PRKN: variants seen among roughly 807,000 people sequenced by gnomAD.
The protein encoded by PRKN is E3 ubiquitin-protein ligase parkin.
A neutral mutation model predicts 59.5 loss-of-function variants in PRKN; 56 were observed. The ratio of observed to expected loss-of-function variants is 0.94; its 90% confidence interval spans 0.76 to 1.18. The LOEUF is 1.18. Among genes scored for constraint, PRKN ranks in the 50% most tolerant of loss-of-function variants. PRKN has a pLI of 0.00. For synonymous variants in PRKN, 250 were observed against 222.1 expected, an observed-to-expected ratio of 1.13 and a Z score of -1.12; for missense variants, 657 against 596.4, an observed-to-expected ratio of 1.10 and a Z score of -1.06.
chr6:162,450,379 A>AC (rs201023311), intron 1 of PRKN, among the ~76,000 whole-genome samples: 10 of 131,158 alleles, frequency 7.6e-5, no homozygotes, highest in Admixed American at 6.8e-4. Flanking sequence ...TGTGATTGTA[A>AC]TCCCCCTGTG....
intron 9 of PRKN, among the ~76,000 whole-genome samples, chr6:161,453,723 C>CTCCT (rs1789843328): frequency 2.2e-5 from 3 of 134,236 alleles, no homozygotes; most frequent in Non-Finnish European, 4.8e-5. Context: ...CCATCCCTCC[C>CTCCT]TCCCTCCCTC....
At chr6:161,756,769 C>T (rs936106730) in intron 7 of PRKN, among the ~76,000 whole-genome samples, 3 of 151,954 alleles carry the variant, frequency 2.0e-5, no homozygotes, top group Non-Finnish European at 4.4e-5. Context: ...ATAACATGAA[C>T]CTAGAATAGC....
At chr6:162,476,120 C>A (rs1024367941) in intron 1 of PRKN, among the ~76,000 whole-genome samples, 8 of 148,140 alleles carry the variant, frequency 5.4e-5, no homozygotes, top group Non-Finnish European at 8.9e-5. Flanking sequence ...TGCAATGGCA[C>A]GATCTCAGCT....
chr6:162,165,238 T>A (rs13194829), intron 4 of PRKN, among the ~76,000 whole-genome samples: 3 of 147,774 alleles, frequency 2.0e-5, no homozygotes, highest in Non-Finnish European at 4.5e-5. Context: ...GAAAAAAAAA[T>A]AGGAGAATAT....
At chr6:162,423,467 G>A (rs1389231034) in intron 2 of PRKN, among the ~76,000 whole-genome samples, 2 of 151,960 alleles carry the variant, frequency 1.3e-5, no homozygotes, top group Non-Finnish European at 2.9e-5. Flanking sequence ...AAGTTTAGGT[G>A]CTATATAACT....
chr6:162,023,197 T>C (rs1783278070), intron 5 of PRKN, among the ~76,000 whole-genome samples: 2 of 151,996 alleles, frequency 1.3e-5, no homozygotes, highest in Admixed American at 6.6e-5. Context: ...TGTTTACAGC[T>C]CCTAAAGCCC....
chr6:161,922,653 G>A (rs1007314175), intron 6 of PRKN, among the ~76,000 whole-genome samples: 4 of 152,116 alleles, frequency 2.6e-5, no homozygotes, highest in Admixed American at 2.0e-4. Flanking sequence ...TCAGCATTAA[G>A]TTGCCATTAA....
chr6:162,631,622 C>A (rs1319389827), intron 1 of PRKN, among the ~76,000 whole-genome samples: 1 of 151,974 alleles, frequency 6.6e-6, no homozygotes, highest in Non-Finnish European at 1.5e-5. Context: ...TTGTAAATAT[C>A]CTCTGCCATT....
intron 9 of PRKN, among the ~76,000 whole-genome samples, chr6:161,482,500 C>A (rs576108630): frequency 1.3e-5 from 2 of 152,144 alleles, no homozygotes; most frequent in Non-Finnish European, 2.9e-5. Context: ...GGGAGAAAGC[C>A]GCCATAGATT....
intron 1 of PRKN, among the ~76,000 whole-genome samples, chr6:162,553,004 T>G (rs527964399): frequency 2.6e-5 from 4 of 152,104 alleles, no homozygotes; most frequent in Non-Finnish European, 5.9e-5. Flanking sequence ...TAACTGGGCT[T>G]GGCATTGCCC....
At chr6:162,072,068 C>T (rs1471394957) in intron 4 of PRKN, among the ~76,000 whole-genome samples, 1 of 152,140 alleles carries the variant, frequency 6.6e-6, no homozygotes, top group Non-Finnish European at 1.5e-5. Context: ...AAGTGACACA[C>T]ATTTTGCCAG....
In PRKN at chr6:161,463,202, T is replaced by C. The variant is rs1790298303; in HGVS notation, c.1084-76325A>G. Among the ~76,000 whole-genome samples the C allele has an allele frequency of 6.6e-6, 1 of 152,170 alleles. No individual in the cohort carries two copies. The highest frequency in any genetic ancestry group is 6.5e-5 in the Admixed American group (1 of 15,274). ...AGTAGAATTCCTGAGGCATCCAGAT[T>C]CAGCACGGCCTCTGGAAGGTGACTG... On this transcript the variant is annotated intron_variant, in intron 9 of 11. Transcript: ENST00000366898. The surrounding 1 kb of genome is among the most constrained non-coding windows in gnomAD (Gnocchi z 4.8).
At chr6:161,861,454 T>C (rs957486632) in intron 6 of PRKN, among the ~76,000 whole-genome samples, 4 of 152,034 alleles carry the variant, frequency 2.6e-5, no homozygotes, top group African/African-American at 7.2e-5. Context: ...AGGGAGAGCA[T>C]TAGAACAAAT....
chr6:161,728,397 C>T (rs1466441909), intron 7 of PRKN, among the ~76,000 whole-genome samples: 1 of 152,168 alleles, frequency 6.6e-6, no homozygotes, highest in Admixed American at 6.5e-5. Context: ...CATTAGCCTA[C>T]ACTGCCCTCC....
chr6:162,062,491 T>C (rs1778141309), intron 4 of PRKN, among the ~76,000 whole-genome samples: 1 of 152,162 alleles, frequency 6.6e-6, no homozygotes, highest in Non-Finnish European at 1.5e-5. Flanking sequence ...AGAATGTGAA[T>C]GCATTTGGAG....
intron 4 of PRKN, among the ~76,000 whole-genome samples, chr6:162,141,054 C>T (rs1478514249): frequency 7.2e-5 from 11 of 151,970 alleles, no homozygotes; most frequent in African/African-American, 2.7e-4. Context: ...GGCGTGAACC[C>T]GGGAGGCGGA....
intron 7 of PRKN, among the ~76,000 whole-genome samples, chr6:161,653,460 C>T (rs1348573933): frequency 6.6e-6 from 1 of 152,098 alleles, no homozygotes; most frequent in Non-Finnish European, 1.5e-5. Flanking sequence ...ATGGCATGCT[C>T]CCTCATTGAA....
chr6:161,645,656 T>C (rs569661140), intron 7 of PRKN, among the ~76,000 whole-genome samples: 1 of 152,398 alleles, frequency 6.6e-6, no homozygotes, highest in South Asian at 2.1e-4. Context: ...GTCCTAGCTA[T>C]ATGTGCATTT....
rs1554251151 is a variant in PRKN at position 161,352,755 on chromosome 6, G to GTATATATATATATA, written c.1286-2558_1286-2545dup. 0.012 allele frequency among the ~76,000 whole-genome samples: 1,671 copies of GTATATATATATATA among 134,286 alleles called. 41 individuals are homozygous for GTATATATATATATA. Among genetic ancestry groups the GTATATATATATATA allele is most frequent in the African/African-American group, 0.045 (1,600 of 35,696 alleles). 88.1% of individuals were successfully genotyped at this position (134,286 alleles called of 152,430 possible). A position where few individuals can be genotyped will look rare whatever the true frequency, so the allele number is the denominator to read the frequency against. ...TGTGTGTGTGTGTGTGTGTGTGTGTGTATATATATATATATATTTTATTTT... is the reference window on the plus strand; with the variant it reads ...TGTGTGTGTGTGTGTGTGTGTGTGTGTATATATATATATATATATATATATATATATTTTATTTT... On this transcript the variant is annotated intron_variant, in intron 11 of 11. Transcript: ENST00000366898. The surrounding 1 kb of genome is among the most constrained non-coding windows in gnomAD (Gnocchi z 5.8).
Sources: allele counts gnomAD v4.1 joint callset (sites outside exome capture counted in the v4.1 genomes callset), GRCh38; gene constraint gnomAD v4.1.1; non-coding constraint Gnocchi (gnomAD v3.1); transcripts MANE v1.5; gene names NCBI Gene and HGNC (gene_info 2026-07-23, HGNC 2026-07-21).